The following WWC1 variants were observed in gnomAD, a reference collection of about 807,000 sequenced individuals.
WWC1 encodes protein KIBRA.
A neutral mutation model predicts 138.4 loss-of-function variants in WWC1; 55 were observed. The observed-to-expected ratio is 0.40, with a 90% confidence interval of 0.32 to 0.50. The LOEUF (loss-of-function observed/expected upper bound fraction) is 0.50, where lower values mean the gene tolerates loss of function less well. WWC1 is among the 20% of genes least tolerant of loss of function. WWC1 has a pLI of 0.72. For synonymous variants in WWC1, 524 were observed against 564.9 expected (o/e 0.93, Z 1.03); for missense variants, 1,226 against 1,420.4 (o/e 0.86, Z 2.20).
At chr5:168,465,068 C>T in intron 21 of WWC1, 106 bp downstream of exon 21, 2 of 1,451,858 alleles carry the variant, frequency 1.4e-6, no homozygotes, top group Non-Finnish European at 9.1e-7. Context: ...TCCTACAATT[C>T]CCACCACAGG....
intron 14 of WWC1, among the ~76,000 whole-genome samples, 171 bp from the exon 15 acceptor site, chr5:168,431,081 G>A (rs1238131231): frequency 1.3e-5 from 2 of 152,186 alleles, no homozygotes; most frequent in African/African-American, 2.4e-5. Context: ...AATTTTGTTC[G>A]ATTTGTCAAA....
intron 11 of WWC1, 79 bp from the exon 12 acceptor site, chr5:168,427,954 C>T: frequency 2.4e-6 from 3 of 1,260,454 alleles, no homozygotes; most frequent in Non-Finnish European, 2.3e-6. Context: ...GAGACCCTGC[C>T]TCAAAAACAA....
At chr5:168,293,844 G>C (rs143652987) in intron 1 of WWC1, among the ~76,000 whole-genome samples, 6 of 152,280 alleles carry the variant, frequency 3.9e-5, no homozygotes, top group Admixed American at 6.5e-5. Context: ...GCCATTCTGC[G>C]TACCAGTTCT....
chr5:168,331,642 C>T (rs569098872), intron 1 of WWC1, among the ~76,000 whole-genome samples: 77 of 152,332 alleles, frequency 5.1e-4, no homozygotes, highest in African/African-American at 1.8e-3. Flanking sequence ...TTGCTTGCAC[C>T]ATGCACAAAT....
intron 9 of WWC1, 131 bp downstream of exon 9, chr5:168,414,721 C>T: frequency 7.7e-7 from 1 of 1,295,450 alleles, no homozygotes; most frequent in Non-Finnish European, 1.0e-6. Flanking sequence ...GTTCAGAGAT[C>T]TCTCAGGTTG....
chr5:168,423,570 A>G lies in WWC1; in HGVS notation c.1312A>G (p.Ser438Gly), dbSNP rs920051536. Residue 438 changes from serine (S) to glycine (G), a missense_variant, in exon 11 of 23, where the codon AGC becomes GGC. Coordinates refer to ENST00000265293, the MANE Select transcript of WWC1 (RefSeq NM_015238.3). ...SSMQSLSSGS[S>G]PGSLTSSRGS... ...CATGCAGTCCCTGTCCTCAGGCAGC[A>G]GCCCCGGATCCCTCACGTCCAGCCG... is the stretch of plus-strand genomic sequence containing the variant. The G allele has an allele frequency of 6.2e-7, 1 of 1,613,730 alleles. No homozygotes were observed. The highest frequency in any genetic ancestry group is 1.3e-5 in the African/African-American group (1 of 74,884).
intron 3 of WWC1, among the ~76,000 whole-genome samples, chr5:168,389,400 G>A (rs1419387003): frequency 6.7e-6 from 1 of 148,180 alleles, no homozygotes; most frequent in African/African-American, 2.5e-5. Flanking sequence ...GCAGTGAGCC[G>A]AGATAGCACC....
rs185767349 is a variant in WWC1, at chr5:168,295,018, G to A, written c.119+2747G>A. ...TGGGCCCCTGAACTTGGGGTCCTGA[G>A]GGGGTCTCATGTCAACTCTGGGGGT... On this transcript the variant is annotated intron_variant, in intron 1 of 22. Coordinates refer to ENST00000265293, the MANE Select transcript of WWC1 (RefSeq NM_015238.3). 1.3e-3 allele frequency among the ~76,000 whole-genome samples: 195 copies of A among 152,284 alleles called. 1 individual carries two copies. Among genetic ancestry groups the A allele is most frequent in the African/African-American group, 4.5e-3 (185 of 41,572 alleles).
intron 10 of WWC1, among the ~76,000 whole-genome samples, chr5:168,423,077 C>T (rs1439841472): frequency 7.6e-6 from 1 of 131,694 alleles, no homozygotes; most frequent in Non-Finnish European, 1.5e-5. Flanking sequence ...ACCCAGGAGG[C>T]GGAGGTTGCA....
chr5:168,450,320 A>T (rs1755684082), intron 17 of WWC1, among the ~76,000 whole-genome samples: 1 of 152,286 alleles, frequency 6.6e-6, no homozygotes, highest in East Asian at 1.9e-4. Context: ...TGGTGTTGGA[A>T]CAATTAGATA....
At chr5:168,409,770 C>T (rs1023046013) in intron 7 of WWC1, 152 bp from the exon 8 acceptor site, 78 of 731,352 alleles carry the variant, frequency 1.1e-4, no homozygotes, top group Non-Finnish European at 1.8e-4. Context: ...GCTTAACCAG[C>T]TTCCCTGCGA....
intron 2 of WWC1, among the ~76,000 whole-genome samples, chr5:168,381,096 C>G (rs1400681777): frequency 6.6e-6 from 1 of 152,028 alleles, no homozygotes; most frequent in African/African-American, 2.4e-5. Flanking sequence ...AGTGTGCAAC[C>G]AGTTTGAGAA....
intron 1 of WWC1, among the ~76,000 whole-genome samples, chr5:168,345,560 A>G (rs1774396774): frequency 6.6e-6 from 1 of 152,198 alleles, no homozygotes; most frequent in Non-Finnish European, 1.5e-5. Context: ...CTCTTTTAGA[A>G]TATTAGTGAT....
intron 17 of WWC1, 33 bp downstream of exon 17, chr5:168,444,618 GC>G (rs1369981641): frequency 2.5e-6 from 4 of 1,609,992 alleles, no homozygotes; most frequent in African/African-American, 2.7e-5. Context: ...CCCAGGAGCT[GC>G]CCTGCCTGGA....
At chr5:168,302,648 T>C (rs146203479) in intron 1 of WWC1, among the ~76,000 whole-genome samples, 1 of 152,210 alleles carries the variant, frequency 6.6e-6, no homozygotes, top group East Asian at 1.9e-4. Flanking sequence ...CTCGTAGAAT[T>C]TACTACAAAT....
At chr5:168,309,878 T>A (rs535906658) in intron 1 of WWC1, among the ~76,000 whole-genome samples, 1 of 152,242 alleles carries the variant, frequency 6.6e-6, no homozygotes, top group South Asian at 2.1e-4. Flanking sequence ...CCACTGGACA[T>A]CATTTCTGTG....
At chr5:168,408,390 G>T (rs1341555190) in intron 6 of WWC1, 117 bp from the exon 7 acceptor site, 12 of 1,214,554 alleles carry the variant, frequency 9.9e-6, no homozygotes, top group Middle Eastern at 2.5e-4. Context: ...AGGATATCTG[G>T]GGAGGGCACA....
At chr5:168,353,190 C>T (rs1342063454) in intron 1 of WWC1, among the ~76,000 whole-genome samples, 4 of 152,162 alleles carry the variant, frequency 2.6e-5, no homozygotes, top group African/African-American at 4.8e-5. Context: ...TGGGAAGGTC[C>T]CCACACTCCC....
intron 21 of WWC1, chr5:168,467,607 TCTC>T (rs1265572985): frequency 5.6e-6 from 3 of 532,804 alleles, no homozygotes; most frequent in African/African-American, 3.8e-5. Context: ...GCAGCCCTCA[TCTC>T]CTCAATTCCT....
Sources: gnomAD v4.1 joint callset for allele counts (sites outside exome capture counted in the v4.1 genomes callset) on GRCh38, gnomAD v4.1.1 for gene constraint, MANE v1.5 for transcripts, NCBI Gene and HGNC (gene_info 2026-07-23, HGNC 2026-07-21) for gene names.